SMYD4: variants seen among roughly 807,000 people sequenced by gnomAD.
SMYD4 encodes the protein protein-lysine N-methyltransferase SMYD4.
Under a neutral mutation model 72.8 loss-of-function variants are expected in SMYD4, and 68 were observed. The observed-to-expected ratio is 0.93, with a 90% CI of 0.77 to 1.14. The LOEUF is 1.14. SMYD4 is among the 50% of genes most tolerant of loss of function. The pLI is 0.00. For synonymous variants in SMYD4, 407 were observed against 388.6 expected (o/e 1.05, Z -0.56); for missense variants, 984 against 1,003.7 (o/e 0.98, Z 0.27).
At position 1,786,952 on chromosome 17, in the gene SMYD4, C is replaced by G; in HGVS notation, c.1742G>C (p.Gly581Ala). 1 of 1,613,968 alleles carries G rather than the reference C, an allele frequency of 6.2e-7. No individual in the cohort carries two copies. Among genetic ancestry groups the G allele is most frequent in the Non-Finnish European group, 8.5e-7 (1 of 1,180,038 alleles). ...CAGCTTCTGCTGCCTTTCGGCAACC[C>G]CCATCCGGCTCTTGTGAGGCCCTGG... ...HCYGPHKSRM[G>A]VAERQQKLRS... Residue 581 changes from glycine to alanine, a missense_variant, in exon 7 of 11, where the codon GGG becomes GCG. Gly to Ala is a moderately conservative substitution (Grantham distance 60). Transcript: ENST00000305513.
intron 5 of SMYD4, among the ~76,000 whole-genome samples, chr17:1,790,810 T>A (rs1479467177): frequency 6.6e-6 from 1 of 151,332 alleles, no homozygotes; most frequent in East Asian, 2.0e-4. Flanking sequence ...CCCTGGTGCA[T>A]TTAAACTGGG....
intron 2 of SMYD4, 63 bp from the exon 3 acceptor site, chr17:1,812,178 C>T: frequency 6.4e-7 from 1 of 1,568,030 alleles, no homozygotes; most frequent in Non-Finnish European, 8.6e-7. Context: ...AAGCTCTAAA[C>T]CATTGCCCTC....
At chr17:1,821,000 A>G (rs1220835903) in intron 2 of SMYD4, among the ~76,000 whole-genome samples, 1 of 152,174 alleles carries the variant, frequency 6.6e-6, no homozygotes. Context: ...AGGTCTGGGT[A>G]TGAATTAGTG....
At chr17:1,797,404 T>C (rs1005090054) in intron 5 of SMYD4, among the ~76,000 whole-genome samples, 4 of 152,238 alleles carry the variant, frequency 2.6e-5, no homozygotes, top group African/African-American at 9.6e-5. Context: ...GTTGTATCTG[T>C]TGTCAGCACA....
intron 5 of SMYD4, among the ~76,000 whole-genome samples, chr17:1,793,982 G>A (rs2151227024): frequency 9.4e-6 from 1 of 106,868 alleles, no homozygotes; most frequent in Non-Finnish European, 2.1e-5. Context: ...CACCACGCTT[G>A]GCTAATTTTT....
chr17:1,815,722 C>T (rs1483336640), intron 2 of SMYD4, among the ~76,000 whole-genome samples: 12 of 144,614 alleles, frequency 8.3e-5, no homozygotes, highest in South Asian at 2.2e-4. Flanking sequence ...TTTTTTGAGA[C>T]GAAGTCTCGC....
Position 1,783,406 on chromosome 17 carries a change from C to T in SMYD4, c.2091G>A (p.Val697=). The stretch of plus-strand genomic sequence containing the variant: ...CCAGGCCATCCGCGATCTCTCCCAC[C>T]ACGGCGTGCTCTGCCCACAGGAAGC... The part of the protein sequence containing the change: ...AESFLWAEHA[V]VGEIADGLAR... The change falls in exon 9 of 11, where the codon GTG becomes GTA. Residue 697 remains valine (V), a synonymous_variant. Transcript: ENST00000305513. 1 of 1,612,834 alleles carries T rather than the reference C, an allele frequency of 6.2e-7. No individual in the cohort carries two copies. The highest frequency in any genetic ancestry group is 8.5e-7 in the Non-Finnish European group (1 of 1,180,030).
intron 2 of SMYD4, among the ~76,000 whole-genome samples, chr17:1,821,520 A>G (rs540716296): frequency 7.9e-5 from 12 of 152,242 alleles, no homozygotes; most frequent in Admixed American, 3.9e-4. Context: ...GTCTCAAAAA[A>G]ACAAAAACAA....
chr17:1,802,651 A>T (rs1909828768), intron 4 of SMYD4, among the ~76,000 whole-genome samples: 1 of 152,224 alleles, frequency 6.6e-6, no homozygotes, highest in Non-Finnish European at 1.5e-5. Context: ...TTTCTCTTTT[A>T]GTCTGAAGGG....
rs186692520 is a variant in SMYD4, at chr17:1,781,318, A to G, written c.2383T>C (p.Leu795=). 6 of 1,613,700 alleles carry G rather than the reference A, an allele frequency of 3.7e-6. No homozygotes were observed. In the East Asian group the frequency reaches 1.3e-4, roughly 36 times the overall value. The change falls in exon 11 of 11, where the codon TTA becomes CTA. Residue 795 remains leucine (L), a synonymous_variant. Transcript: ENST00000305513. The stretch of plus-strand genomic sequence containing the variant: ...GCAGGCCCTACAGGGGTGGGTGGTA[A>G]GTCCAACAAACAGGATTTCATCTTC... ...LQKMKSCLLD[L]PPTPVGPAL
intron 7 of SMYD4, among the ~76,000 whole-genome samples, chr17:1,785,768 A>AAAAAAAAAAAAAAAG (rs1555574281): frequency 0.077 from 1,135 of 14,706 alleles, 18 homozygotes; most frequent in African/African-American, 0.22. Flanking sequence ...CATCTCAAAA[A>AAAAAAAAAAAAAAAG]AAAAAAAGAA....
chr17:1,780,388 A>C lies in SMYD4; in HGVS notation c.*898T>G, dbSNP rs1176833802. On this transcript the variant is annotated 3_prime_UTR_variant, in exon 11 of 11. Transcript: ENST00000305513. ...TGCCACCATGCTCGGTGAACTAAAAAAACTTTTTTGTAGTGATACGGTCTC... is the reference window on the plus strand; with the variant it reads ...TGCCACCATGCTCGGTGAACTAAAACAACTTTTTTGTAGTGATACGGTCTC... 6.6e-6 allele frequency: 1 copy of C among 152,054 alleles called. No individual in the cohort carries two copies. Among genetic ancestry groups the C allele is most frequent in the Non-Finnish European group, 1.5e-5 (1 of 68,016 alleles). 9.4% of individuals were successfully genotyped at this position (152,054 alleles called of 1,614,324 possible).
At chr17:1,797,017 T>C (rs537624299) in intron 5 of SMYD4, among the ~76,000 whole-genome samples, 2 of 149,904 alleles carry the variant, frequency 1.3e-5, no homozygotes, top group African/African-American at 5.1e-5. Context: ...GCCAGTCCTA[T>C]TTTTAGATGT....
intron 10 of SMYD4, 80 bp downstream of exon 10, chr17:1,782,955 A>G (rs1032501154): frequency 1.3e-6 from 2 of 1,544,716 alleles, no homozygotes; most frequent in Non-Finnish European, 1.7e-6. Flanking sequence ...GCTTTTAAAA[A>G]CACCATAGAA....
chr17:1,820,899 G>C (rs1910852154), intron 2 of SMYD4, among the ~76,000 whole-genome samples: 1 of 152,194 alleles, frequency 6.6e-6, no homozygotes, highest in Non-Finnish European at 1.5e-5. Flanking sequence ...TGCATGTGGA[G>C]ATCAGAAGTT....
chr17:1,787,111 G>C (rs1190635071), intron 6 of SMYD4, 138 bp from the exon 7 acceptor site: 3 of 1,164,594 alleles, frequency 2.6e-6, no homozygotes. Flanking sequence ...TTGTGGAACT[G>C]GATACTAAAA....
chr17:1,813,470 T>G (rs1221254954), intron 2 of SMYD4, among the ~76,000 whole-genome samples: 2 of 152,094 alleles, frequency 1.3e-5, no homozygotes, highest in Non-Finnish European at 2.9e-5. Context: ...CAGGCTGTAG[T>G]GCAGCACTGG....
intron 2 of SMYD4, among the ~76,000 whole-genome samples, chr17:1,814,374 A>G (rs577077469): frequency 6.6e-6 from 1 of 152,340 alleles, no homozygotes; most frequent in African/African-American, 2.4e-5. Context: ...TTTTGTTTAC[A>G]AAGACCCACA....
intron 3 of SMYD4, among the ~76,000 whole-genome samples, chr17:1,809,831 G>A (rs1185197680): frequency 1.3e-5 from 2 of 151,724 alleles, no homozygotes; most frequent in African/African-American, 2.4e-5. Context: ...CACCGTGCCC[G>A]GCTAATTTTT....
Sources: gnomAD v4.1 joint callset for allele counts (sites outside exome capture counted in the v4.1 genomes callset) on GRCh38, gnomAD v4.1.1 for gene constraint, MANE v1.5 for transcripts, NCBI Gene and HGNC (gene_info 2026-07-23, HGNC 2026-07-21) for gene names.